The following NPHP4 variants were observed in gnomAD, a reference collection of about 807,000 sequenced individuals.
NPHP4 encodes the protein nephrocystin 4, also known as nephrocystin-4.
Under a neutral mutation model 155.8 loss-of-function variants are expected in NPHP4, and 151 were observed. That is an observed-to-expected ratio of 0.97 (90% CI 0.85 to 1.11). NPHP4 has a LOEUF of 1.11. NPHP4 is among the 50% of genes least tolerant of loss of function. The pLI is 0.00. For synonymous variants in NPHP4, 845 were observed against 816.8 expected (o/e 1.03, Z -0.59); for missense variants, 1,956 against 1,925.7 (o/e 1.02, Z -0.29).
At position 5,945,909 on chromosome 1, in the gene NPHP4, C is replaced by A. The variant is rs144803499; in HGVS notation, c.1119+1195G>T. The stretch of plus-strand genomic sequence containing the variant: ...GTGATTAGATCTGGCATTGTCCCCC[C>A]CCAGGGCGTGAATCATCCCTCCGTC... On this transcript the variant is annotated intron_variant, in intron 9 of 29. Transcript: ENST00000378156. Among the ~76,000 whole-genome samples the A allele has an allele frequency of 7.5e-3, 1,134 of 152,138 alleles. 16 individuals are homozygous for A. Among genetic ancestry groups the A allele is most frequent in the African/African-American group, 0.026 (1,081 of 41,442 alleles).
chr1:5,873,384 C>T (rs374992275), intron 22 of NPHP4, 49 bp from the exon 23 acceptor site: 10 of 1,458,690 alleles, frequency 6.9e-6, no homozygotes, highest in South Asian at 2.3e-5. Flanking sequence ...CACCATTAGG[C>T]GACCAGCACC....
rs576128430 is a variant in NPHP4, at chr1:5,965,351, T to C, written c.517+1948A>G. ...CCGCAGCAGGTTCCTCCTCACAGCCTCCACTCAGGGCCAACAGCTTCCACA... is the reference window on the plus strand; with the variant it reads ...CCGCAGCAGGTTCCTCCTCACAGCCCCCACTCAGGGCCAACAGCTTCCACA... On this transcript the variant is annotated intron_variant, in intron 5 of 29. Coordinates refer to ENST00000378156, the MANE Select transcript of NPHP4 (RefSeq NM_015102.5). 1.1e-4 allele frequency among the ~76,000 whole-genome samples: 16 copies of C among 152,222 alleles called. No individual in the cohort carries two copies. The South Asian group carries it at 2.7e-3, about 26-fold the overall frequency.
At chr1:5,872,303 G>A (rs972400053) in intron 23 of NPHP4, among the ~76,000 whole-genome samples, 1 of 152,192 alleles carries the variant, frequency 6.6e-6, no homozygotes, top group African/African-American at 2.4e-5. Context: ...GGCTCACAAC[G>A]GTAAGGCCCG....
chr1:5,935,734 G>T (rs1246853787), intron 9 of NPHP4, among the ~76,000 whole-genome samples: 1 of 152,178 alleles, frequency 6.6e-6, no homozygotes, highest in Admixed American at 6.5e-5. Flanking sequence ...AATCAGCTGG[G>T]CATGGTTGTA....
chr1:5,924,845 G>C (rs1192915988), intron 11 of NPHP4, among the ~76,000 whole-genome samples: 1 of 152,068 alleles, frequency 6.6e-6, no homozygotes, highest in African/African-American at 2.4e-5. Context: ...TAGTAGAAAT[G>C]GGGTCTTGCT....
intron 1 of NPHP4, among the ~76,000 whole-genome samples, chr1:5,990,002 C>T (rs775972245): frequency 6.6e-6 from 1 of 152,206 alleles, no homozygotes; most frequent in East Asian, 1.9e-4. Context: ...TGAGGGGCCA[C>T]GGAGGCCGAG....
At position 5,877,131 on chromosome 1, in the gene NPHP4, C is replaced by G. The variant is rs1159960206; in HGVS notation, c.2779G>C (p.Ala927Pro). The change falls in exon 20 of 30, where the codon GCC becomes CCC. Residue 927 changes from alanine (A) to proline (P), a missense_variant. By Grantham distance (27) the Ala-to-Pro change is conservative. Coordinates refer to ENST00000378156, the MANE Select transcript of NPHP4 (RefSeq NM_015102.5). ...ERMRSVRLQE[A>P]GGDLGRRGTS... ...CCGCGCCGGCCCAAGTCTCCCCCGG[C>G]CTCCTGCAGGCGCACAGACCTCATC... is the stretch of plus-strand genomic sequence containing the variant. 6.3e-7 allele frequency: 1 copy of G among 1,589,350 alleles called. No homozygotes were observed. Among genetic ancestry groups the G allele is most frequent in the Admixed American group, 1.7e-5 (1 of 59,328 alleles).
At chr1:5,953,259 T>C (rs1648536202) in intron 6 of NPHP4, among the ~76,000 whole-genome samples, 1 of 152,142 alleles carries the variant, frequency 6.6e-6, no homozygotes, top group African/African-American at 2.4e-5. Flanking sequence ...GTGACTACCA[T>C]GACGCCCAGC....
At chr1:5,929,265 C>T (rs115646183) in intron 10 of NPHP4, among the ~76,000 whole-genome samples, 3,712 of 152,254 alleles carry the variant, frequency 0.024, 80 homozygotes, top group Non-Finnish European at 0.037. Flanking sequence ...TTTGTTTCTT[C>T]CTTCTAATGT....
intron 11 of NPHP4, among the ~76,000 whole-genome samples, chr1:5,916,353 G>C (rs150957294): frequency 1.3e-5 from 2 of 152,260 alleles, no homozygotes; most frequent in East Asian, 1.9e-4. Context: ...AAATACTGAA[G>C]TATGAAAAGT....
chr1:5,914,989 CAG>C (rs1401146350), intron 11 of NPHP4, among the ~76,000 whole-genome samples: 3 of 152,332 alleles, frequency 2.0e-5, no homozygotes, highest in Non-Finnish European at 2.9e-5. Context: ...ACTGAGCAAA[CAG>C]GGGTCAGCAG....
intron 16 of NPHP4, among the ~76,000 whole-genome samples, chr1:5,893,704 CAG>C (rs1028145721): frequency 1.3e-5 from 2 of 152,198 alleles, no homozygotes; most frequent in Non-Finnish European, 2.9e-5. Flanking sequence ...GATGGAGGAG[CAG>C]AGTCTTCTCT....
At chr1:5,863,766 C>T in intron 29 of NPHP4, 124 bp downstream of exon 29, 2 of 1,073,644 alleles carry the variant, frequency 1.9e-6, no homozygotes, top group Admixed American at 1.9e-5. Context: ...GTACCTGTCA[C>T]CGCCCTGGGG....
chr1:5,879,409 G>C (rs1642973780), intron 19 of NPHP4: 2 of 415,660 alleles, frequency 4.8e-6, no homozygotes, highest in Admixed American at 5.8e-5. Context: ...ACCAAACCCA[G>C]GTCTTCCTCT....
At chr1:5,870,381 T>C (rs779088964) in intron 23 of NPHP4, among the ~76,000 whole-genome samples, 28 of 151,906 alleles carry the variant, frequency 1.8e-4, no homozygotes, top group Non-Finnish European at 4.4e-5. Context: ...AAAAAGTAAA[T>C]AGGTGAATGG....
At chr1:5,876,921 T>C (rs967722345) in intron 20 of NPHP4, 172 bp downstream of exon 20, 11 of 441,218 alleles carry the variant, frequency 2.5e-5, no homozygotes, top group Non-Finnish European at 4.4e-5. Flanking sequence ...TCCAGATAAT[T>C]CTCACTTAAA....
rs368101076 is a variant in NPHP4, at chr1:5,904,728, C to A, written c.2032G>T (p.Ala678Ser). 3 of 1,613,856 alleles carry A rather than the reference C, an allele frequency of 1.9e-6. No individual in the cohort carries two copies. The highest frequency in any genetic ancestry group is 3.3e-5 in the Admixed American group (2 of 60,006). ...ACCAGCTGCAGTCGTGGCGTCGTTG[C>A]GGGTGGGAAGCGGTAGAACTGGAAG... ...FTFQFYRFPP[A>S]TTPRLQLVQL... The change falls in exon 16 of 30, where the codon GCA becomes TCA. Residue 678 changes from alanine (A) to serine (S), a missense_variant. Transcript: ENST00000378156.
intron 23 of NPHP4, among the ~76,000 whole-genome samples, chr1:5,872,770 A>G (rs1570117903): frequency 6.6e-6 from 1 of 152,262 alleles, no homozygotes; most frequent in East Asian, 1.9e-4. Flanking sequence ...AGAAACTGCC[A>G]TAAAGCAGCA....
chr1:5,899,853 G>C (rs182963039), intron 16 of NPHP4, among the ~76,000 whole-genome samples: 1 of 152,212 alleles, frequency 6.6e-6, no homozygotes, highest in African/African-American at 2.4e-5. Context: ...TGCAAAATAC[G>C]TATCTGATAA....
Sources: gnomAD v4.1 joint callset for allele counts (sites outside exome capture counted in the v4.1 genomes callset) on GRCh38, gnomAD v4.1.1 for gene constraint, MANE v1.5 for transcripts, NCBI Gene and HGNC (gene_info 2026-07-23, HGNC 2026-07-21) for gene names.